The following LTBP1 variants were observed in gnomAD, a reference collection of about 807,000 sequenced individuals.
LTBP1 encodes the protein latent transforming growth factor beta binding protein 1.
A neutral mutation model predicts 207.6 loss-of-function variants in LTBP1; 129 were observed. That is an observed-to-expected ratio of 0.62 (90% CI 0.54 to 0.72). LTBP1 has a LOEUF of 0.72. Ranked by LOEUF, LTBP1 falls within the 30% of genes least tolerant of loss-of-function variation. The pLI is 0.00. For missense variants in LTBP1, 2,281 were observed against 2,217.2 expected (o/e 1.03, Z -0.58); for synonymous variants, 963 against 833.7 (o/e 1.16, Z -2.67).
At chr2:33,189,871 CA>C (rs11327295) in intron 7 of LTBP1, among the ~76,000 whole-genome samples, 151,889 of 151,900 alleles carry the variant, frequency 1, 75,939 homozygotes, top group Middle Eastern at 1. Flanking sequence ...ACTAAAAATA[CA>C]AAAAATTAGC....
chr2:32,999,285 C>T (rs1483784738), intron 2 of LTBP1, among the ~76,000 whole-genome samples: 18 of 152,166 alleles, frequency 1.2e-4, no homozygotes, highest in Admixed American at 1.0e-3. Context: ...TCTAGATAGT[C>T]GTTTTCTTTC....
chr2:33,106,015 T>C (rs2080045787), intron 3 of LTBP1, among the ~76,000 whole-genome samples: 1 of 152,196 alleles, frequency 6.6e-6, no homozygotes, highest in Non-Finnish European at 1.5e-5. Context: ...AAATCCCTGG[T>C]TGTCATTTCA....
At position 33,209,115 on chromosome 2, in the gene LTBP1, C is replaced by T. The variant is rs770475924; in HGVS notation, c.1702-8437C>T. ...TTCGAACTCCTGACCTCAAGTGACC[C>T]GCCTGCCTTGGCCTCCCAAAGTGCT... On this transcript the variant is annotated intron_variant, in intron 7 of 33. Transcript: ENST00000404816. Among the ~76,000 whole-genome samples, 5 of 151,976 alleles carry T rather than the reference C, an allele frequency of 3.3e-5. No individual in the cohort carries two copies. In the South Asian group the frequency reaches 6.2e-4, roughly 19 times the overall value.
intron 16 of LTBP1, 23 bp from the exon 17 acceptor site, chr2:33,274,942 T>G: frequency 6.2e-7 from 1 of 1,611,280 alleles, no homozygotes; most frequent in Non-Finnish European, 8.5e-7. Flanking sequence ...AACTAATATT[T>G]TTATATGTAT....
chr2:33,195,970 C>T (rs1027763531), intron 7 of LTBP1, among the ~76,000 whole-genome samples: 19 of 152,006 alleles, frequency 1.2e-4, no homozygotes, highest in South Asian at 8.3e-4. Context: ...CAGAAGGCTC[C>T]GATGATTATT....
At chr2:32,969,350 T>TTC (rs1680513283) in intron 2 of LTBP1, among the ~76,000 whole-genome samples, 1 of 135,396 alleles carries the variant, frequency 7.4e-6, no homozygotes, top group African/African-American at 2.6e-5. Context: ...GTGTTGTGGT[T>TTC]TGATGTGCCA....
At chr2:33,116,171 C>T (rs1221920856) in intron 4 of LTBP1, among the ~76,000 whole-genome samples, 1 of 152,164 alleles carries the variant, frequency 6.6e-6, no homozygotes, top group East Asian at 1.9e-4. Context: ...AAAAGATTAG[C>T]GAAGCTCCAA....
At chr2:33,010,680 C>T (rs930654569) in intron 2 of LTBP1, among the ~76,000 whole-genome samples, 1 of 150,798 alleles carries the variant, frequency 6.6e-6, no homozygotes, top group African/African-American at 2.4e-5. Flanking sequence ...AGTTTTTGAA[C>T]ATTGTTTTTG....
chr2:33,390,603 CCA>C (rs1488473521), intron 32 of LTBP1, among the ~76,000 whole-genome samples: 3 of 152,006 alleles, frequency 2.0e-5, no homozygotes, highest in Non-Finnish European at 4.4e-5. Flanking sequence ...TCCTCCCACC[CCA>C]GTCTCCCGAG....
chr2:33,323,957 G>A (rs1440963221), intron 24 of LTBP1, among the ~76,000 whole-genome samples: 1 of 152,164 alleles, frequency 6.6e-6, no homozygotes, highest in East Asian at 1.9e-4. Context: ...CTTCTAAGCT[G>A]TGTGAACTTG....
chr2:33,034,176 C>G (rs1235145349), intron 3 of LTBP1, among the ~76,000 whole-genome samples: 1 of 149,314 alleles, frequency 6.7e-6, no homozygotes, highest in African/African-American at 2.5e-5. Context: ...GGCATGGATA[C>G]GCAAATCTAC....
chr2:33,342,601 A>G (rs962524231), intron 24 of LTBP1, among the ~76,000 whole-genome samples: 1 of 152,242 alleles, frequency 6.6e-6, no homozygotes, highest in African/African-American at 2.4e-5. Context: ...AACATTTCCT[A>G]AGGAAAAGTA....
chr2:33,195,774 A>G (rs1171116143), intron 7 of LTBP1, among the ~76,000 whole-genome samples: 3 of 152,212 alleles, frequency 2.0e-5, no homozygotes, highest in Non-Finnish European at 4.4e-5. Flanking sequence ...ATGCTATCAA[A>G]CAGTATCACT....
chr2:33,377,051 A>C (rs1304963284), intron 31 of LTBP1, among the ~76,000 whole-genome samples: 1 of 152,248 alleles, frequency 6.6e-6, no homozygotes, highest in Non-Finnish European at 1.5e-5. Flanking sequence ...GTAGTCATTG[A>C]AAGCAGAAGA....
At chr2:33,374,411 A>G (rs1048640809) in intron 31 of LTBP1, among the ~76,000 whole-genome samples, 1 of 152,240 alleles carries the variant, frequency 6.6e-6, no homozygotes, top group African/African-American at 2.4e-5. Context: ...GAAAGCATTT[A>G]TCATTTCAAT....
At chr2:33,392,153 A>G (rs1039132828) in intron 32 of LTBP1, among the ~76,000 whole-genome samples, 1 of 151,448 alleles carries the variant, frequency 6.6e-6, no homozygotes, top group African/African-American at 2.4e-5. Context: ...AGAATAGGCA[A>G]ACATTTGCCC....
At chr2:33,155,331 G>C (rs2083886782) in intron 5 of LTBP1, among the ~76,000 whole-genome samples, 1 of 152,158 alleles carries the variant, frequency 6.6e-6, no homozygotes, top group African/African-American at 2.4e-5. Flanking sequence ...GCCTCCCAAA[G>C]TGCTAGGATT....
intron 10 of LTBP1, among the ~76,000 whole-genome samples, chr2:33,244,664 G>A (rs945250457): frequency 6.6e-6 from 1 of 151,952 alleles, no homozygotes; most frequent in Non-Finnish European, 1.5e-5. Context: ...AAAGAGATGG[G>A]GTCTTGCTAT....
Position 33,263,326 on chromosome 2 carries a change from G to A in LTBP1, c.2551G>A (p.Val851Ile). The change falls in exon 15 of 34, where the codon GTT becomes ATT. Residue 851 changes from valine (V) to isoleucine (I), a missense_variant. By Grantham distance (29) the Val-to-Ile change is conservative (BLOSUM62 3). This residue lies in a region of LTBP1 where 1,671 missense variants were observed against 1,634.8 expected (regional missense o/e 1.02). Coordinates refer to ENST00000404816, the MANE Select transcript of LTBP1 (RefSeq NM_206943.4). The part of the protein sequence containing the change: ...VIEKTSPPVP[V>I]EVAPEASTSS... The stretch of plus-strand genomic sequence containing the variant: ...TGAAAAAACATCACCTCCTGTGCCT[G>A]TTGAAGTAGCTCCTGAAGCTTCTAC... 1 of 1,613,894 alleles carries A rather than the reference G, an allele frequency of 6.2e-7. No homozygotes were observed. Among genetic ancestry groups the A allele is most frequent in the Non-Finnish European group, 8.5e-7 (1 of 1,179,840 alleles).
Sources: gnomAD v4.1 joint callset for allele counts (sites outside exome capture counted in the v4.1 genomes callset) on GRCh38, gnomAD v4.1.1 for gene constraint, gnomAD v4.1.1 regional missense constraint, MANE v1.5 for transcripts, NCBI Gene and HGNC (gene_info 2026-07-23, HGNC 2026-07-21) for gene names.